FBLN1: variants seen among roughly 807,000 people sequenced by gnomAD.
FBLN1 encodes fibulin 1, also known as fibulin-1.
In FBLN1, 34 loss-of-function variants were observed where a neutral mutation model predicts 89.7. That is an observed-to-expected ratio of 0.38 (90% CI 0.29 to 0.50). FBLN1 has a LOEUF of 0.50. FBLN1 is among the 20% of genes least tolerant of loss of function. FBLN1 has a pLI of 0.92. For missense variants in FBLN1, 777 were observed against 988.1 expected (o/e 0.79, Z 2.86); for synonymous variants, 393 against 391.3 (o/e 1.00, Z -0.05).
At position 45,575,608 on chromosome 22, in the gene FBLN1, A is replaced by T. The variant is rs995117892; in HGVS notation, c.1840+955A>T. On this transcript the variant is annotated intron_variant, in intron 15 of 16. Coordinates refer to ENST00000327858, the MANE Select transcript of FBLN1 (RefSeq NM_006486.3). This position sits in a 1 kb window ranked among gnomAD's most constrained non-coding sequence, Gnocchi z 6.3. ...GAACTGGAGGGGCCAGACGGGGAGC[A>T]GGAAGCTCAGGTGTAACCCAGTCAG... is the stretch of plus-strand genomic sequence containing the variant. Among the ~76,000 whole-genome samples, 2 of 152,288 alleles carry T rather than the reference A, an allele frequency of 1.3e-5. No individual in the cohort carries two copies. The highest frequency in any genetic ancestry group is 1.3e-4 in the Admixed American group (2 of 15,298).
intron 2 of FBLN1, among the ~76,000 whole-genome samples, chr22:45,524,855 C>T (rs1466650840): frequency 2.0e-5 from 3 of 152,068 alleles, no homozygotes; most frequent in Non-Finnish European, 2.9e-5. Flanking sequence ...GAGGCTGAGG[C>T]GGGGGGATCA....
rs2088618482 is a variant in FBLN1, at chr22:45,545,755, G to A, written c.1322-1330G>A. The stretch of plus-strand genomic sequence containing the variant: ...GAAGGCTATTGGACGTTCTGTGACA[G>A]CCACATAGTATAGATTTAAGGCTTT... On this transcript the variant is annotated intron_variant, in intron 11 of 16. Coordinates refer to ENST00000327858, the MANE Select transcript of FBLN1 (RefSeq NM_006486.3). This position sits in a 1 kb window ranked among gnomAD's most constrained non-coding sequence, Gnocchi z 5.9. 6.6e-6 allele frequency among the ~76,000 whole-genome samples: 1 copy of A among 152,154 alleles called. No homozygotes were observed. The highest frequency in any genetic ancestry group is 2.4e-5 in the African/African-American group (1 of 41,428).
chr22:45,549,600 TCA>T lies in FBLN1; in HGVS notation c.1573+858_1573+859del, dbSNP rs2088675694. On this transcript the variant is annotated intron_variant, in intron 13 of 16. Transcript: ENST00000327858. The surrounding 1 kb of genome is among the most constrained non-coding windows in gnomAD (Gnocchi z 5.7). ...TGACTTTTCTCCTGGCCAGGCTCCCTCACCACAGCCTGGGGTCCCGCCCAGAC... is the reference window on the plus strand; with the variant it reads ...TGACTTTTCTCCTGGCCAGGCTCCCTCCACAGCCTGGGGTCCCGCCCAGAC... Among the ~76,000 whole-genome samples, 1 of 152,218 alleles carries T rather than the reference TCA, an allele frequency of 6.6e-6. No homozygotes were observed.
At chr22:45,508,427 A>AATT (rs1401226172) in intron 1 of FBLN1, among the ~76,000 whole-genome samples, 2 of 151,856 alleles carry the variant, frequency 1.3e-5, no homozygotes, top group Non-Finnish European at 2.9e-5. Flanking sequence ...ACGCCTGGCT[A>AATT]ATTTTTTGTA....
At chr22:45,543,719 C>T (rs527966828) in intron 11 of FBLN1, among the ~76,000 whole-genome samples, 193 bp downstream of exon 11, 1 of 152,344 alleles carries the variant, frequency 6.6e-6, no homozygotes, top group South Asian at 2.1e-4. Flanking sequence ...CTCCTGATGA[C>T]ATCCACCCTC....
rs778934643 is a variant in FBLN1, at chr22:45,564,863, CTG to C, written c.1698-9645_1698-9644del. The C allele has an allele frequency of 8.7e-6, 14 of 1,613,342 alleles. No individual in the cohort carries two copies. The African/African-American group carries it at 1.6e-4, about 18-fold the overall frequency. On this transcript the variant is annotated intron_variant, in intron 14 of 16. Coordinates refer to ENST00000327858, the MANE Select transcript of FBLN1 (RefSeq NM_006486.3). ...CACTAGCATTTCTGTGGCTGTGACA[CTG>C]TGCTGACACTGTTTCCAGGCAGAAA...
Position 45,576,263 on chromosome 22 carries a change from G to A in FBLN1, c.1841-714G>A, listed in dbSNP as rs1051250976. Among the ~76,000 whole-genome samples, 1 of 152,214 alleles carries A rather than the reference G, an allele frequency of 6.6e-6. No homozygotes were observed. The highest frequency in any genetic ancestry group is 1.5e-5 in the Non-Finnish European group (1 of 68,038). ...ATCCTTCCCAAATCCCCAGTGGCTG[G>A]TTTTGTGGCCTCTCCGGCCAGCCCC... On this transcript the variant is annotated intron_variant, in intron 15 of 16. Transcript: ENST00000327858. The surrounding 1 kb of genome is among the most constrained non-coding windows in gnomAD (Gnocchi z 5.2).
At chr22:45,587,146 C>G (rs2089094333) in intron 16 of FBLN1, among the ~76,000 whole-genome samples, 1 of 152,134 alleles carries the variant, frequency 6.6e-6, no homozygotes, top group Admixed American at 6.5e-5. Context: ...GCAAAATGTG[C>G]CTGGCCACTG....
intron 1 of FBLN1, among the ~76,000 whole-genome samples, chr22:45,510,033 G>A (rs2088078067): frequency 6.6e-6 from 1 of 152,144 alleles, no homozygotes; most frequent in Admixed American, 6.5e-5. Context: ...CAAGGAAATT[G>A]AGGCTGGCTT....
At chr22:45,551,123 T>G in intron 14 of FBLN1, 1 of 242,246 alleles carries the variant, frequency 4.1e-6, no homozygotes, top group African/African-American at 2.2e-5. Flanking sequence ...AGATTCCAGA[T>G]CCTAAACGTG....
chr22:45,520,684 C>T (rs1361408310), intron 2 of FBLN1, among the ~76,000 whole-genome samples: 1 of 152,320 alleles, frequency 6.6e-6, no homozygotes, highest in African/African-American at 2.4e-5. Flanking sequence ...AACCCCTCAA[C>T]GTGCAGGCAG....
chr22:45,587,011 C>T (rs2146658159), intron 16 of FBLN1, among the ~76,000 whole-genome samples: 2 of 152,246 alleles, frequency 1.3e-5, no homozygotes, highest in Admixed American at 1.3e-4. Context: ...TGGGGGACTC[C>T]TGCGAGGCAT....
chr22:45,528,644 C>T (rs2088363310), intron 4 of FBLN1, among the ~76,000 whole-genome samples: 1 of 151,918 alleles, frequency 6.6e-6, no homozygotes, highest in African/African-American at 2.4e-5. Flanking sequence ...CGTGCCTGGC[C>T]AATATTAATC....
intron 1 of FBLN1, among the ~76,000 whole-genome samples, chr22:45,511,726 C>T (rs1481081106): frequency 6.6e-6 from 1 of 152,072 alleles, no homozygotes; most frequent in Non-Finnish European, 1.5e-5. Context: ...TGAGATTACA[C>T]CCATGAGCCA....
rs558599542 is a variant in FBLN1 at position 45,536,279 on chromosome 22, T to G, written c.922+942T>G. 6.6e-6 allele frequency among the ~76,000 whole-genome samples: 1 copy of G among 152,114 alleles called. No homozygotes were observed. Among genetic ancestry groups the G allele is most frequent in the Non-Finnish European group, 1.5e-5 (1 of 67,968 alleles). On this transcript the variant is annotated intron_variant, in intron 8 of 16. Transcript: ENST00000327858. The surrounding 1 kb of genome is among the most constrained non-coding windows in gnomAD (Gnocchi z 5.1). ...TGCCGGGGCTGGGCAGGGTGGGGGATGGGGAGTGAGTGTTTCCTGGGCGCA... is the reference window on the plus strand; with the variant it reads ...TGCCGGGGCTGGGCAGGGTGGGGGAGGGGGAGTGAGTGTTTCCTGGGCGCA...
rs908009706 is a variant in FBLN1 at position 45,561,606 on chromosome 22, C to G, written c.1697+10991C>G. 6.6e-6 allele frequency among the ~76,000 whole-genome samples: 1 copy of G among 152,128 alleles called. No individual in the cohort carries two copies. The highest frequency in any genetic ancestry group is 2.1e-4 in the South Asian group (1 of 4,818). The stretch of plus-strand genomic sequence containing the variant: ...GGATCTAATCGTTAACCAGCCAACC[C>G]CAGAAACCCCAAAACCAATGAAAGA... On this transcript the variant is annotated intron_variant, in intron 14 of 16. Transcript: ENST00000327858. This position sits in a 1 kb window ranked among gnomAD's most constrained non-coding sequence, Gnocchi z 4.7.
At chr22:45,514,759 T>C (rs1420955954) in intron 1 of FBLN1, among the ~76,000 whole-genome samples, 2 of 152,114 alleles carry the variant, frequency 1.3e-5, no homozygotes, top group African/African-American at 4.8e-5. Context: ...AGGTGCGACA[T>C]GGACAGTGAG....
intron 10 of FBLN1, among the ~76,000 whole-genome samples, chr22:45,542,983 G>A (rs1453432468): frequency 6.6e-6 from 1 of 152,220 alleles, no homozygotes; most frequent in Non-Finnish European, 1.5e-5. Context: ...AATGAGGCTG[G>A]AGGCCAGGCG....
intron 16 of FBLN1, among the ~76,000 whole-genome samples, chr22:45,589,316 C>A (rs943054150): frequency 2.0e-5 from 3 of 151,910 alleles, no homozygotes; most frequent in Non-Finnish European, 4.4e-5. Context: ...CTTTCCCCAG[C>A]GACCTTGGGG....
Sources: gnomAD v4.1 joint callset for allele counts (sites outside exome capture counted in the v4.1 genomes callset) on GRCh38, gnomAD v4.1.1 for gene constraint, Gnocchi (gnomAD v3.1) non-coding constraint, MANE v1.5 for transcripts, NCBI Gene and HGNC (gene_info 2026-07-23, HGNC 2026-07-21) for gene names.